FBXO7: variants seen among roughly 807,000 people sequenced by gnomAD.
FBXO7 encodes F-box protein 7.
A neutral mutation model predicts 50.2 loss-of-function variants in FBXO7; 31 were observed. The ratio of observed to expected loss-of-function variants is 0.62; its 90% CI spans 0.46 to 0.83. FBXO7 has a LOEUF of 0.83. FBXO7 is among the 40% of genes least tolerant of loss of function. The pLI is 0.00. For synonymous variants in FBXO7, 256 were observed against 253.1 expected (o/e 1.01, Z -0.11); for missense variants, 667 against 646.6 (o/e 1.03, Z -0.34).
intron 7 of FBXO7, 122 bp from the exon 8 acceptor site, chr22:32,495,371 T>G (rs1235976510): frequency 4.2e-5 from 25 of 602,046 alleles, no homozygotes; most frequent in Non-Finnish European, 2.3e-5. Flanking sequence ...ATGGTTAGTT[T>G]TTTTTTTTTT....
intron 3 of FBXO7, 63 bp from the exon 4 acceptor site, chr22:32,485,005 T>C (rs1430495082): frequency 8.7e-6 from 14 of 1,610,090 alleles, no homozygotes; most frequent in Non-Finnish European, 1.0e-5. Flanking sequence ...CTTTTGGATT[T>C]TTAATCTTTT....
intron 5 of FBXO7, chr22:32,490,350 G>A (rs923660392): frequency 6.6e-6 from 1 of 152,246 alleles, no homozygotes; most frequent in African/African-American, 2.4e-5. Flanking sequence ...CAGTTTGCTA[G>A]TGCGTCCGTA....
intron 4 of FBXO7, 36 bp downstream of exon 4, chr22:32,485,245 G>A: frequency 6.2e-7 from 1 of 1,613,654 alleles, no homozygotes; most frequent in South Asian, 1.1e-5. Context: ...GCTGGTTTAT[G>A]GATTCTTAGA....
intron 1 of FBXO7, chr22:32,475,368 C>G (rs759573587): frequency 5.6e-6 from 9 of 1,610,154 alleles, no homozygotes; most frequent in South Asian, 1.1e-5. Flanking sequence ...GAACATGGCC[C>G]GGCCTCCCGG....
chr22:32,495,414 G>C, intron 7 of FBXO7, 79 bp from the exon 8 acceptor site: 3 of 876,536 alleles, frequency 3.4e-6, no homozygotes, highest in Non-Finnish European at 5.4e-6. Flanking sequence ...ACTTTTCTTA[G>C]GAGAAAAACA....
chr22:32,475,097 A>G lies in FBXO7; in HGVS notation c.95A>G (p.Gln32Arg), dbSNP rs1203076750. Residue 32 changes from glutamine (Q) to arginine (R), a missense_variant, in exon 1 of 9, where the codon CAG (glutamine) becomes CGG (arginine). Physicochemically the swap from Gln to Arg is conservative, Grantham distance 43. Coordinates refer to ENST00000266087, the MANE Select transcript of FBXO7 (RefSeq NM_012179.4). ...GGGCATTTGCGCTCGCACCTGAGGC[A>G]GTCCCTGCTGTGCACCTGGGGGTAC... Reference protein sequence around the residue: ...TLGHLRSHLRQSLLCTWGYSS... With the variant: ...TLGHLRSHLRRSLLCTWGYSS... 3 of 1,541,998 alleles carry G rather than the reference A, an allele frequency of 1.9e-6. No individual in the cohort carries two copies. Among genetic ancestry groups the G allele is most frequent in the Admixed American group, 2.0e-5 (1 of 50,726 alleles).
chr22:32,475,182 G>A lies in FBXO7; in HGVS notation c.122+58G>A, dbSNP rs554097570. The A allele has an allele frequency of 3.3e-6, 5 of 1,522,438 alleles. No homozygotes were observed. In the South Asian group the frequency reaches 4.9e-5, roughly 15 times the overall value. The allele number at this position is 1,522,438 out of a possible 1,614,324, so 94.3% of individuals were successfully genotyped here. ...GGAGTGGGGAGTGCTTGGGGTGGGTGCAGGGCGGGTTGGCGTCATCTGTGG... is the reference window on the plus strand; with the variant it reads ...GGAGTGGGGAGTGCTTGGGGTGGGTACAGGGCGGGTTGGCGTCATCTGTGG... On this transcript the variant is annotated intron_variant, in intron 1 of 8. Coordinates refer to ENST00000266087, the MANE Select transcript of FBXO7 (RefSeq NM_012179.4).
In FBXO7 at chr22:32,484,071, G is replaced by A. The variant is rs1311597068; in HGVS notation, c.592G>A (p.Ala198Thr). The stretch of plus-strand genomic sequence containing the variant: ...AGCTGACTGTTCTGATGCCAATGAT[G>A]CCTTGATAGTGTTGATACATCTTCT... ...QSADCSDAND[A>T]LIVLIHLLML... is the part of the protein sequence containing the mutation. The change falls in exon 3 of 9, where the codon GCC becomes ACC. Residue 198 changes from alanine to threonine, a missense_variant. Ala to Thr is a moderately conservative substitution (Grantham distance 58). Transcript: ENST00000266087. The A allele has an allele frequency of 1.2e-6, 2 of 1,614,068 alleles. No homozygotes were observed. The highest frequency in any genetic ancestry group is 3.3e-5 in the Admixed American group (2 of 60,002).
rs746495918 is a variant in FBXO7, at chr22:32,479,245, C to T, written c.387C>T (p.Ala129=). 1.2e-6 allele frequency: 2 copies of T among 1,614,068 alleles called. No individual in the cohort carries two copies. Among genetic ancestry groups the T allele is most frequent in the Admixed American group, 1.7e-5 (1 of 60,004 alleles). The part of the protein sequence containing the change: ...QPSDSFQGQA[A]QSGVWNDDSM... The stretch of plus-strand genomic sequence containing the variant: ...GTGATTCATTCCAAGGACAGGCAGC[C>T]CAGTCTGGTGTTTGGAATGACGACA... Residue 129 remains alanine, a synonymous_variant, in exon 2 of 9, where the codon GCC becomes GCT. Transcript: ENST00000266087.
chr22:32,493,329 G>C (rs998726801), intron 7 of FBXO7, 48 bp downstream of exon 7: 1 of 1,529,200 alleles, frequency 6.5e-7, no homozygotes, highest in African/African-American at 1.4e-5. Context: ...TTATTGTCTT[G>C]ATTACTCAGC....
chr22:32,494,844 A>C (rs759393954), intron 7 of FBXO7, among the ~76,000 whole-genome samples: 1 of 152,232 alleles, frequency 6.6e-6, no homozygotes, highest in Non-Finnish European at 1.5e-5. Context: ...CTTCCATGCT[A>C]ATGTAGTAAC....
chr22:32,498,735 T>A lies in FBXO7; in HGVS notation c.*205T>A. On this transcript the variant is annotated 3_prime_UTR_variant, in exon 9 of 9. Coordinates refer to ENST00000266087, the MANE Select transcript of FBXO7 (RefSeq NM_012179.4). ...TCTGTGACAAGGTTGGCCTTGGGAA[T>A]AGTTGGCTGCCAATCTCCCTGCTCT... 1.6e-6 allele frequency: 1 copy of A among 617,732 alleles called. No homozygotes were observed. Among genetic ancestry groups the A allele is most frequent in the Non-Finnish European group, 2.8e-6 (1 of 354,432 alleles). The allele number at this position is 617,732 out of a possible 1,614,324, so 38.3% of individuals were successfully genotyped here.
intron 1 of FBXO7, among the ~76,000 whole-genome samples, chr22:32,476,842 T>C (rs1401082476): frequency 6.6e-6 from 1 of 152,208 alleles, no homozygotes; most frequent in East Asian, 1.9e-4. Context: ...ACGCCCCAAT[T>C]TCAGAGGTAG....
chr22:32,485,269 A>G (rs1334549246), intron 4 of FBXO7, 60 bp downstream of exon 4: 3 of 1,605,210 alleles, frequency 1.9e-6, no homozygotes, highest in African/African-American at 1.3e-5. Flanking sequence ...TTCTTTCCAA[A>G]TGTTTTATAG....
chr22:32,484,540 A>G (rs2057486242), intron 3 of FBXO7, among the ~76,000 whole-genome samples: 1 of 152,190 alleles, frequency 6.6e-6, no homozygotes, highest in Non-Finnish European at 1.5e-5. Flanking sequence ...AGAAATTAGG[A>G]TATAAAAATA....
Position 32,476,318 on chromosome 22 carries a change from G to A in FBXO7, c.122+1194G>A, listed in dbSNP as rs950073230. On this transcript the variant is annotated intron_variant, in intron 1 of 8. Transcript: ENST00000266087. ...CCTGTGTGTTTTACATACTGGCATC[G>A]TTACCAGTAGGTTACGAGTAGAAGA... Among the ~76,000 whole-genome samples the A allele has an allele frequency of 2.0e-5, 3 of 152,016 alleles. No individual in the cohort carries two copies. The East Asian group carries it at 5.8e-4, about 29-fold the overall frequency.
In FBXO7 at chr22:32,484,001, G is replaced by C; in HGVS notation, c.522G>C (p.Ser174=). Residue 174 remains serine, a synonymous_variant, in exon 3 of 9, where the codon TCG becomes TCC. Coordinates refer to ENST00000266087, the MANE Select transcript of FBXO7 (RefSeq NM_012179.4). ...YPSEPMLCSE[S]VEGQVPHSLE... is the part of the protein sequence containing the mutation. Reference sequence around the variant, plus strand: ...CAGAACCCATGCTCTGTAGTGAATCGGTGGAAGGGCAAGTGCCACATTCAT... The same window carrying C: ...CAGAACCCATGCTCTGTAGTGAATCCGTGGAAGGGCAAGTGCCACATTCAT... 6.2e-7 allele frequency: 1 copy of C among 1,614,124 alleles called. No homozygotes were observed. Among genetic ancestry groups the C allele is most frequent in the South Asian group, 1.1e-5 (1 of 91,082 alleles).
intron 4 of FBXO7, 131 bp from the exon 5 acceptor site, chr22:32,487,614 G>A (rs927037562): frequency 1.4e-5 from 9 of 660,452 alleles, no homozygotes; most frequent in Middle Eastern, 4.0e-4. Context: ...AGAAATAGGC[G>A]AAGAACAGTT....
chr22:32,491,831 C>T (rs2057539400), intron 6 of FBXO7: 2 of 122,628 alleles, frequency 1.6e-5, no homozygotes, highest in African/African-American at 5.8e-5. Flanking sequence ...CTTATATTAG[C>T]TTCTCATTTT....
Sources: allele counts gnomAD v4.1 joint callset (sites outside exome capture counted in the v4.1 genomes callset), GRCh38; gene constraint gnomAD v4.1.1; transcripts MANE v1.5; gene names NCBI Gene and HGNC (gene_info 2026-07-23, HGNC 2026-07-21).